The following DCBLD1 variants were observed in gnomAD, a reference collection of about 807,000 sequenced individuals.
DCBLD1 encodes discoidin, CUB and LCCL domain containing 1.
In DCBLD1, 57 loss-of-function variants were observed where a neutral mutation model predicts 71.5. That is an observed-to-expected ratio of 0.80 (90% CI 0.64 to 0.99). DCBLD1 has a LOEUF of 0.99. Ranked by LOEUF, DCBLD1 falls within the 50% of genes least tolerant of loss-of-function variation. The probability of loss-of-function intolerance (pLI) is 0.00; values close to 1 mark genes in which losing one functional copy is unlikely to be tolerated. For missense variants in DCBLD1, 891 were observed against 923.5 expected (o/e 0.96, Z 0.46); for synonymous variants, 380 against 363.8 (o/e 1.04, Z -0.51).
At chr6:117,529,710 G>A (rs971005162) in intron 5 of DCBLD1, among the ~76,000 whole-genome samples, 2 of 152,018 alleles carry the variant, frequency 1.3e-5, no homozygotes, top group African/African-American at 4.8e-5. Flanking sequence ...GGAAAATGCT[G>A]GTAATTTTAT....
intron 14 of DCBLD1, among the ~76,000 whole-genome samples, chr6:117,557,991 C>T (rs1270648909): frequency 6.6e-6 from 1 of 152,128 alleles, no homozygotes; most frequent in East Asian, 1.9e-4. Context: ...TAGTAGCAGC[C>T]TCTGTAACAT....
Position 117,548,014 on chromosome 6 carries a change from G to A in DCBLD1, c.1723G>A (p.Gly575Ser), listed in dbSNP as rs1315529312. The A allele has an allele frequency of 4.5e-6, 7 of 1,550,270 alleles. No individual in the cohort carries two copies. In the East Asian group the frequency reaches 7.3e-5, roughly 16 times the overall value. ...GGAGGCAGGGGTGAGCACCGATGCCGGCGGCCACTATGACTGCCCGCAGCG... is the reference window on the plus strand; with the variant it reads ...GGAGGCAGGGGTGAGCACCGATGCCAGCGGCCACTATGACTGCCCGCAGCG... Reference protein sequence around the residue: ...AEEAGVSTDAGGHYDCPQRAG... With the variant: ...AEEAGVSTDASGHYDCPQRAG... Residue 575 changes from glycine (G) to serine (S), a missense_variant, in exon 15 of 15, where the codon GGC becomes AGC. Physicochemically the swap from Gly to Ser is moderately conservative, Grantham distance 56. Transcript: ENST00000338728.
intron 2 of DCBLD1, among the ~76,000 whole-genome samples, chr6:117,512,007 A>G (rs141857851): frequency 1.3e-3 from 196 of 152,336 alleles, no homozygotes; most frequent in African/African-American, 4.5e-3. Context: ...AATCTTGAAC[A>G]TATAAAACGT....
At chr6:117,538,383 A>T (rs953171557) in intron 7 of DCBLD1, among the ~76,000 whole-genome samples, 1 of 152,218 alleles carries the variant, frequency 6.6e-6, no homozygotes, top group Non-Finnish European at 1.5e-5. Flanking sequence ...TGTCACTTAT[A>T]AAGGATGTGA....
intron 1 of DCBLD1, among the ~76,000 whole-genome samples, chr6:117,487,310 T>C (rs2114354339): frequency 6.6e-6 from 1 of 152,248 alleles, no homozygotes; most frequent in South Asian, 2.1e-4. Context: ...TCCTGCCCTG[T>C]AAGACTCAAC....
chr6:117,567,388 AT>A (rs532986927), intron 14 of DCBLD1, among the ~76,000 whole-genome samples: 1 of 152,208 alleles, frequency 6.6e-6, no homozygotes, highest in Non-Finnish European at 1.5e-5. Flanking sequence ...GCACACAGCA[AT>A]TCAGCAAATA....
intron 1 of DCBLD1, among the ~76,000 whole-genome samples, chr6:117,487,869 A>G (rs1019782941): frequency 2.6e-5 from 4 of 151,756 alleles, no homozygotes; most frequent in Non-Finnish European, 4.4e-5. Flanking sequence ...TGTGGATGTT[A>G]TCTTCCAGAT....
Position 117,547,979 on chromosome 6 carries a change from C to T in DCBLD1, c.1688C>T (p.Thr563Met), listed in dbSNP as rs536093997. 2.6e-6 allele frequency: 4 copies of T among 1,550,584 alleles called. No homozygotes were observed. Among genetic ancestry groups the T allele is most frequent in the South Asian group, 1.2e-5 (1 of 84,064 alleles). Reference protein sequence around the residue: ...RKGSTFRPMDTDAEEAGVSTD... With the variant: ...RKGSTFRPMDMDAEEAGVSTD... ...GGCTCCACCTTCCGGCCCATGGACA[C>T]GGATGCCGAGGAGGCAGGGGTGAGC... The change falls in exon 15 of 15, where the codon ACG becomes ATG. Residue 563 changes from threonine (T) to methionine (M), a missense_variant. Coordinates refer to ENST00000338728, the MANE Select transcript of DCBLD1 (RefSeq NM_001366458.2).
rs573826870 is a variant in DCBLD1 at position 117,510,326 on chromosome 6, AACACACACAGACACAGAC to A, written c.325+6375_325+6392del. 7.4e-3 allele frequency among the ~76,000 whole-genome samples: 1,121 copies of A among 150,878 alleles called. 9 individuals are homozygous for A. Among genetic ancestry groups the A allele is most frequent in the African/African-American group, 0.025 (1,031 of 40,976 alleles). On this transcript the variant is annotated intron_variant, in intron 2 of 14. Transcript: ENST00000338728. ...TTTTCCTGCTTTTTCTGTCCCTTCTAACACACACAGACACAGACACACACACAGACACAGACACACACA... is the reference window on the plus strand; with the variant it reads ...TTTTCCTGCTTTTTCTGTCCCTTCTAACACACACAGACACAGACACACACA...
chr6:117,559,677 C>A (rs1043788317), intron 14 of DCBLD1, among the ~76,000 whole-genome samples: 7 of 152,138 alleles, frequency 4.6e-5, no homozygotes, highest in African/African-American at 1.7e-4. Flanking sequence ...TCAGCACCAA[C>A]AGTGCACGGT....
downstream of DCBLD1, among the ~76,000 whole-genome samples, chr6:117,550,346 C>G (rs1054307106): frequency 1.1e-4 from 17 of 152,094 alleles, no homozygotes; most frequent in African/African-American, 3.9e-4. Flanking sequence ...TAAACCTAAA[C>G]TAGAGGATAA....
At chr6:117,526,332 T>G (rs376969347) in intron 5 of DCBLD1, among the ~76,000 whole-genome samples, 11 of 152,200 alleles carry the variant, frequency 7.2e-5, no homozygotes, top group African/African-American at 2.4e-4. Flanking sequence ...AATTGACTCT[T>G]AAAATGTTTT....
At chr6:117,512,175 G>A (rs1212526753) in intron 2 of DCBLD1, among the ~76,000 whole-genome samples, 1 of 152,130 alleles carries the variant, frequency 6.6e-6, no homozygotes, top group Admixed American at 6.5e-5. Flanking sequence ...TTCATTGGGA[G>A]AGAAGTAATG....
At chr6:117,509,931 T>G (rs1385439796) in intron 2 of DCBLD1, among the ~76,000 whole-genome samples, 1 of 152,208 alleles carries the variant, frequency 6.6e-6, no homozygotes, top group Non-Finnish European at 1.5e-5. Context: ...ATTTGGTTGT[T>G]TTATTTACTT....
chr6:117,537,296 A>C (rs904068365), intron 7 of DCBLD1, 71 bp downstream of exon 7: 4 of 1,407,028 alleles, frequency 2.8e-6, no homozygotes, highest in Non-Finnish European at 4.0e-6. Context: ...GCACTTTGGG[A>C]GGCCGAGGCA....
Position 117,547,941 on chromosome 6 carries a change from A to G in DCBLD1, c.1650A>G (p.Thr550=). 1 of 1,550,602 alleles carries G rather than the reference A, an allele frequency of 6.4e-7. No individual in the cohort carries two copies. The highest frequency in any genetic ancestry group is 8.7e-7 in the Non-Finnish European group (1 of 1,146,974). ...YQQPLMIGTG[T]VTRKGSTFRP... Reference sequence around the variant, plus strand: ...AGCCCCTCATGATTGGCACCGGGACAGTCACGAGGAAGGGCTCCACCTTCC... The same window carrying G: ...AGCCCCTCATGATTGGCACCGGGACGGTCACGAGGAAGGGCTCCACCTTCC... The change falls in exon 15 of 15, where the codon ACA becomes ACG. Residue 550 remains threonine (T), a synonymous_variant. Coordinates refer to ENST00000338728, the MANE Select transcript of DCBLD1 (RefSeq NM_001366458.2).
At chr6:117,484,999 C>T (rs1228054144) in intron 1 of DCBLD1, 2 of 152,142 alleles carry the variant, frequency 1.3e-5, no homozygotes, top group African/African-American at 4.8e-5. Flanking sequence ...GGGATTATTT[C>T]GGCTCCTTAT....
chr6:117,551,999 G>A (rs1282670663), downstream of DCBLD1, among the ~76,000 whole-genome samples: 1 of 152,126 alleles, frequency 6.6e-6, no homozygotes, highest in Non-Finnish European at 1.5e-5. Flanking sequence ...AGTGGTGCAA[G>A]CCTGTAGTCC....
At chr6:117,540,568 A>G (rs1340228165) in intron 9 of DCBLD1, 100 bp from the exon 10 acceptor site, 46 of 1,451,530 alleles carry the variant, frequency 3.2e-5, no homozygotes, top group Non-Finnish European at 4.1e-5. Flanking sequence ...ACCGACATAG[A>G]ATCCTTGCCT....
Sources: allele counts gnomAD v4.1 joint callset (sites outside exome capture counted in the v4.1 genomes callset), GRCh38; gene constraint gnomAD v4.1.1; transcripts MANE v1.5; gene names NCBI Gene and HGNC (gene_info 2026-07-23, HGNC 2026-07-21).